NLRC5: variants seen among roughly 807,000 people sequenced by gnomAD.
The protein encoded by NLRC5 is NLR family CARD domain containing 5, also known as protein NLRC5.
NLRC5 carries 114 observed loss-of-function variants against 206.9 expected under a neutral mutation model. That is an observed-to-expected ratio of 0.55 (90% confidence interval 0.47 to 0.64). The LOEUF is 0.64. Ranked by LOEUF, NLRC5 falls within the 30% of genes least tolerant of loss-of-function variation. The pLI is 0.00. For missense variants in NLRC5, 2,008 were observed against 2,305.5 expected (o/e 0.87, Z 2.64); for synonymous variants, 952 against 962.8 (o/e 0.99, Z 0.21).
intron 1 of NLRC5, among the ~76,000 whole-genome samples, chr16:57,009,333 C>T (rs2059249362): frequency 6.6e-6 from 1 of 150,804 alleles, no homozygotes; most frequent in African/African-American, 2.4e-5. Context: ...GTGGCTCATG[C>T]CTCTAATCAC....
chr16:57,051,057 C>G (rs1461045869), intron 23 of NLRC5, among the ~76,000 whole-genome samples: 1 of 152,014 alleles, frequency 6.6e-6, no homozygotes, highest in Admixed American at 6.6e-5. Context: ...TGGAATTTCA[C>G]CATGTTGCCC....
chr16:57,010,781 T>A (rs1482581977), intron 1 of NLRC5, among the ~76,000 whole-genome samples: 2 of 152,254 alleles, frequency 1.3e-5, no homozygotes, highest in Non-Finnish European at 2.9e-5. Flanking sequence ...TAGGGAAGTT[T>A]CATTTTTTTG....
chr16:56,992,451 T>A (rs929851162), intron 1 of NLRC5: 1 of 151,778 alleles, frequency 6.6e-6, no homozygotes, highest in Admixed American at 6.6e-5. Flanking sequence ...AGATCTTTTT[T>A]ATTTTATTTA....
In NLRC5 at chr16:57,076,474, C is replaced by G. The variant is rs1380603575; in HGVS notation, c.4752-345C>G. Among the ~76,000 whole-genome samples the G allele has an allele frequency of 3.3e-5, 5 of 152,366 alleles. No homozygotes were observed. In the East Asian group the frequency reaches 7.7e-4, roughly 24 times the overall value. ...TGAAAGTGGCATTCAGCCGGGCCAG[C>G]CCGGAGATCCCTGACACAGAGGCTG... On this transcript the variant is annotated intron_variant, in intron 39 of 48. Coordinates refer to ENST00000688547, the MANE Select transcript of NLRC5 (RefSeq NM_001384950.1).
chr16:57,017,465 G>A (rs1032665327), intron 2 of NLRC5, among the ~76,000 whole-genome samples: 7 of 152,192 alleles, frequency 4.6e-5, no homozygotes, highest in Non-Finnish European at 1.0e-4. Flanking sequence ...CACACTATGA[G>A]TGTATCAGCT....
intron 33 of NLRC5, among the ~76,000 whole-genome samples, 159 bp from the exon 34 acceptor site, chr16:57,066,375 C>T (rs1470862542): frequency 6.6e-6 from 1 of 152,000 alleles, no homozygotes; most frequent in Non-Finnish European, 1.5e-5. Context: ...GTGTGACTCA[C>T]GGAAGCACCT....
rs775588467 is a variant in NLRC5 at position 57,077,961 on chromosome 16, G to T, written c.5022G>T (p.Leu1674=). 1 of 1,613,088 alleles carries T rather than the reference G, an allele frequency of 6.2e-7. No homozygotes were observed. The highest frequency in any genetic ancestry group is 1.7e-5 in the Admixed American group (1 of 59,896). Residue 1674 remains leucine (L), a synonymous_variant, in exon 43 of 49, where the codon CTG becomes CTT. Coordinates refer to ENST00000688547, the MANE Select transcript of NLRC5 (RefSeq NM_001384950.1). ...CTTCCAGGCTTGGCTGCAATGCCCTGGGGGATCCCACAGCCCTGGGGCTGG... is the reference window on the plus strand; with the variant it reads ...CTTCCAGGCTTGGCTGCAATGCCCTTGGGGATCCCACAGCCCTGGGGCTGG... ...LEELMLGCNA[L]GDPTALGLAQ...
chr16:57,016,059 A>G (rs567814018), intron 1 of NLRC5, among the ~76,000 whole-genome samples: 7 of 151,968 alleles, frequency 4.6e-5, no homozygotes, highest in Non-Finnish European at 8.8e-5. Flanking sequence ...TACTAAAAAT[A>G]CTAGAATTAG....
intron 22 of NLRC5, among the ~76,000 whole-genome samples, chr16:57,047,072 G>T (rs542395334): frequency 1.3e-5 from 2 of 152,224 alleles, no homozygotes; most frequent in Non-Finnish European, 2.9e-5. Flanking sequence ...CTCCAGGGAA[G>T]TGGAGGCAAG....
intron 1 of NLRC5, among the ~76,000 whole-genome samples, chr16:57,002,477 G>A (rs8053203): frequency 1.6e-3 from 238 of 152,184 alleles, no homozygotes; most frequent in African/African-American, 3.2e-3. Context: ...TTCATCTGTC[G>A]ATGAACACTT....
intron 1 of NLRC5, among the ~76,000 whole-genome samples, chr16:56,994,180 G>T (rs1376972432): frequency 6.7e-6 from 1 of 148,584 alleles, no homozygotes; most frequent in East Asian, 2.0e-4. Context: ...GGCTGTATTT[G>T]CTCCTGAAAG....
Position 57,061,497 on chromosome 16 carries a change from G to C in NLRC5, c.4036G>C (p.Gly1346Arg), listed in dbSNP as rs140644178. Residue 1346 changes from glycine (G) to arginine (R), a missense_variant, in exon 31 of 49, where the codon GGC becomes CGC. Transcript: ENST00000688547. ...AGAGCACGTGTCCAGGCTGGCCACC[G>C]GCTTGAGCAAGTCCCTGCAGCTGAC... is the stretch of plus-strand genomic sequence containing the variant. ...RPEHVSRLAT[G>R]LSKSLQLTEL... The C allele has an allele frequency of 1.9e-6, 3 of 1,610,884 alleles. No individual in the cohort carries two copies. The East Asian group carries it at 6.7e-5, about 36-fold the overall frequency.
chr16:57,041,344 C>A, intron 17 of NLRC5, 141 bp from the exon 18 acceptor site: 2 of 639,582 alleles, frequency 3.1e-6, no homozygotes, highest in Non-Finnish European at 5.5e-6. Context: ...CTTTGTCCGT[C>A]TGTCTAGGTG....
chr16:57,073,137 G>A (rs1440567258), intron 38 of NLRC5, among the ~76,000 whole-genome samples: 2 of 152,316 alleles, frequency 1.3e-5, no homozygotes, highest in South Asian at 4.1e-4. Context: ...GGGCACCTGG[G>A]CCGGGGACAG....
chr16:57,046,828 G>A (rs749351956), intron 22 of NLRC5, among the ~76,000 whole-genome samples, 187 bp downstream of exon 22: 10 of 152,328 alleles, frequency 6.6e-5, no homozygotes, highest in South Asian at 2.1e-4. Context: ...GGCCCCTGAC[G>A]GGCAGCTCAG....
In NLRC5 at chr16:57,047,175, A is replaced by G. The variant is rs959430892; in HGVS notation, c.3339-370A>G. On this transcript the variant is annotated intron_variant, in intron 22 of 48. Transcript: ENST00000688547. ...CAGGGAGAGGCCTGGTCAGATGTGC[A>G]GTGTTAAAATGTGAGACACTTGTGG... Among the ~76,000 whole-genome samples the G allele has an allele frequency of 3.3e-5, 5 of 152,186 alleles. No individual in the cohort carries two copies. In the East Asian group the frequency reaches 9.6e-4, roughly 29 times the overall value.
chr16:57,061,730 G>A lies in NLRC5; in HGVS notation c.4154+29G>A, dbSNP rs368513946. ...CCTCCTCCCCCGCTGCCTCCGGGAG[G>A]GGCCATGGCATGAATGGGAGCAGGG... On this transcript the variant is annotated intron_variant, in intron 32 of 48. Coordinates refer to ENST00000688547, the MANE Select transcript of NLRC5 (RefSeq NM_001384950.1). The A allele has an allele frequency of 1.6e-5, 25 of 1,588,514 alleles. No homozygotes were observed. In the African/African-American group the frequency reaches 3.4e-4, roughly 21 times the overall value.
chr16:57,069,785 C>T, intron 36 of NLRC5, 51 bp from the exon 37 acceptor site: 1 of 1,505,134 alleles, frequency 6.6e-7, no homozygotes, highest in Non-Finnish European at 9.1e-7. Context: ...TCAGAGCTCC[C>T]AAGACCCAGG....
At chr16:56,996,035 G>A (rs72773107) in intron 1 of NLRC5, among the ~76,000 whole-genome samples, 6,414 of 152,204 alleles carry the variant, frequency 0.042, 206 homozygotes, top group Non-Finnish European at 0.058. Context: ...AGGTGCTAAC[G>A]CATCTGTAAA....
Sources: allele counts gnomAD v4.1 joint callset (sites outside exome capture counted in the v4.1 genomes callset), GRCh38; gene constraint gnomAD v4.1.1; transcripts MANE v1.5; gene names NCBI Gene and HGNC (gene_info 2026-07-23, HGNC 2026-07-21).